The following HNRNPC variants were observed in gnomAD, a reference collection of about 807,000 sequenced individuals.
The protein encoded by HNRNPC is heterogeneous nuclear ribonucleoprotein C, also known as heterogeneous nuclear ribonucleoproteins C1/C2.
In HNRNPC, 3 loss-of-function variants were observed where a neutral mutation model predicts 33.2. The ratio of observed to expected loss-of-function variants is 0.09; its 90% CI spans 0.04 to 0.23. The LOEUF is 0.23. Among genes scored for constraint, HNRNPC ranks in the 10% least tolerant of loss-of-function variants. HNRNPC has a pLI of 1.00. For synonymous variants in HNRNPC, 121 were observed against 126.7 expected (o/e 0.96, Z 0.30); for missense variants, 143 against 366.7 (o/e 0.39, Z 4.98).
chr14:21,264,185 T>TATA (rs1385728574), intron 1 of HNRNPC: 14 of 152,226 alleles, frequency 9.2e-5, no homozygotes, highest in Middle Eastern at 3.2e-3. Context: ...ATACTGAGAT[T>TATA]ATAAAACCTA....
intron 5 of HNRNPC, among the ~76,000 whole-genome samples, chr14:21,218,681 CAAAAAAAAAAAAAA>C (rs71112557): frequency 1.2e-4 from 6 of 51,254 alleles, no homozygotes; most frequent in East Asian, 5.7e-4. Context: ...AACTCTCTCT[CAAAAAAAAAAAAAA>C]AAAAAAAAAA....
chr14:21,243,685 T>C (rs1458409394), intron 2 of HNRNPC, among the ~76,000 whole-genome samples: 2 of 152,208 alleles, frequency 1.3e-5, no homozygotes, highest in Non-Finnish European at 2.9e-5. Flanking sequence ...TATCAAGCAA[T>C]GGGACGGTAG....
At chr14:21,216,990 G>C (rs1892261841) in intron 5 of HNRNPC, among the ~76,000 whole-genome samples, 1 of 152,052 alleles carries the variant, frequency 6.6e-6, no homozygotes, top group Non-Finnish European at 1.5e-5. Flanking sequence ...TCTGACCATA[G>C]CCAAAATGAA....
intron 5 of HNRNPC, among the ~76,000 whole-genome samples, chr14:21,220,481 G>A (rs1245930455): frequency 2.6e-5 from 4 of 152,012 alleles, no homozygotes; most frequent in Non-Finnish European, 4.4e-5. Context: ...CGCTCGCCTC[G>A]GCCTCCCAAA....
chr14:21,245,817 C>T (rs1336251187), intron 2 of HNRNPC, among the ~76,000 whole-genome samples: 1 of 152,094 alleles, frequency 6.6e-6, no homozygotes. Context: ...CACTAGGCAA[C>T]AGAAATTTCT....
intron 2 of HNRNPC, chr14:21,254,691 A>C (rs1876825648): frequency 6.6e-6 from 1 of 152,172 alleles, no homozygotes; most frequent in Non-Finnish European, 1.5e-5. Flanking sequence ...GGATTGCCTG[A>C]GGTCGCGAGT....
intron 2 of HNRNPC, among the ~76,000 whole-genome samples, chr14:21,241,337 C>G (rs1250807734): frequency 6.6e-6 from 1 of 151,016 alleles, no homozygotes; most frequent in Non-Finnish European, 1.5e-5. Context: ...AATTAAATGC[C>G]AATTCTATAT....
intron 6 of HNRNPC, 69 bp downstream of exon 6, chr14:21,212,891 G>T (rs952983009): frequency 6.4e-6 from 10 of 1,573,794 alleles, no homozygotes; most frequent in South Asian, 1.1e-5. Flanking sequence ...CAAAAATATT[G>T]TAACTGCATT....
At chr14:21,233,091 A>G (rs138982784) in intron 3 of HNRNPC, among the ~76,000 whole-genome samples, 168 of 152,350 alleles carry the variant, frequency 1.1e-3, no homozygotes, top group African/African-American at 3.7e-3. Context: ...CATTACATGA[A>G]TAACCTTCAG....
At chr14:21,242,594 T>C (rs542253890) in intron 2 of HNRNPC, among the ~76,000 whole-genome samples, 2 of 152,268 alleles carry the variant, frequency 1.3e-5, no homozygotes, top group East Asian at 3.9e-4. Context: ...CAGGTAAAAC[T>C]TGGTGAGTGG....
chr14:21,243,436 T>C (rs1169439173), intron 2 of HNRNPC, among the ~76,000 whole-genome samples: 2 of 152,198 alleles, frequency 1.3e-5, no homozygotes, highest in Admixed American at 6.5e-5. Context: ...TGTATGTATA[T>C]ATTGTGTTCA....
chr14:21,233,912 C>T (rs1355338861), intron 3 of HNRNPC, 41 bp downstream of exon 3: 6 of 1,588,916 alleles, frequency 3.8e-6, no homozygotes, highest in Non-Finnish European at 5.1e-6. Flanking sequence ...AATAGAAAAA[C>T]TCAGGCCTGA....
intron 5 of HNRNPC, among the ~76,000 whole-genome samples, chr14:21,223,782 T>A (rs11156891): frequency 0.15 from 23,212 of 152,116 alleles, 2,272 homozygotes; most frequent in South Asian, 0.23. Flanking sequence ...GACTAATAAC[T>A]GATTTGTTCC....
intron 2 of HNRNPC, 31 bp from the exon 3 acceptor site, chr14:21,234,260 C>G: frequency 2.6e-6 from 4 of 1,527,034 alleles, no homozygotes; most frequent in Non-Finnish European, 3.6e-6. Flanking sequence ...TACAGGTGAA[C>G]AGATGCTAAA....
chr14:21,226,620 G>A (rs542486209), intron 5 of HNRNPC, among the ~76,000 whole-genome samples: 1 of 152,188 alleles, frequency 6.6e-6, no homozygotes, highest in East Asian at 1.9e-4. Flanking sequence ...ACTTTGCGTG[G>A]CCAAGGCAGG....
At position 21,209,207 on chromosome 14, in the gene HNRNPC, T is replaced by C. The variant is rs576524275; in HGVS notation, c.*2016A>G. The stretch of plus-strand genomic sequence containing the variant: ...TTTAAAATATACAGGAGAATATGCA[T>C]AGGTTACATATAAATACTATGCCAT... On this transcript the variant is annotated 3_prime_UTR_variant, in exon 9 of 9. Transcript: ENST00000553300. 12 of 152,320 alleles carry C rather than the reference T, an allele frequency of 7.9e-5. No homozygotes were observed. In the South Asian group the frequency reaches 2.1e-3, roughly 26 times the overall value. 9.4% of individuals were successfully genotyped at this position (152,320 alleles called of 1,614,324 possible). A position where few individuals can be genotyped will look rare whatever the true frequency, so the allele number is the denominator to read the frequency against.
At position 21,255,718 on chromosome 14, in the gene HNRNPC, C is replaced by T. The variant is rs143742791; in HGVS notation, c.-37+7593G>A. 3.8e-3 allele frequency among the ~76,000 whole-genome samples: 583 copies of T among 152,328 alleles called. 4 individuals are homozygous for T. The highest frequency in any genetic ancestry group is 4.4e-3 in the Non-Finnish European group (300 of 68,042). Reference sequence around the variant, plus strand: ...CACAAGTTTCAAATCTCCTAAATCCCACTTCTTGCCCAGAGGCAATCAATG... The same window carrying T: ...CACAAGTTTCAAATCTCCTAAATCCTACTTCTTGCCCAGAGGCAATCAATG... On this transcript the variant is annotated intron_variant, in intron 2 of 8. Transcript: ENST00000553300.
intron 2 of HNRNPC, among the ~76,000 whole-genome samples, chr14:21,241,132 C>G (rs1426670398): frequency 6.6e-6 from 1 of 151,710 alleles, no homozygotes; most frequent in East Asian, 1.9e-4. Flanking sequence ...TGGTGGCAGG[C>G]GTCTGTAATC....
intron 5 of HNRNPC, among the ~76,000 whole-genome samples, chr14:21,217,951 G>C (rs140317591): frequency 1.3e-5 from 2 of 152,136 alleles, no homozygotes; most frequent in African/African-American, 2.4e-5. Context: ...CAGTCAAAAA[G>C]AATCTAGTCT....
Sources: gnomAD v4.1 joint callset for allele counts (sites outside exome capture counted in the v4.1 genomes callset) on GRCh38, gnomAD v4.1.1 for gene constraint, MANE v1.5 for transcripts, NCBI Gene and HGNC (gene_info 2026-07-23, HGNC 2026-07-21) for gene names.